The following APCDD1 variants were observed in gnomAD, a reference collection of about 807,000 sequenced individuals.
The protein encoded by APCDD1 is APC down-regulated 1.
APCDD1 carries 15 observed loss-of-function variants against 38.1 expected under a neutral mutation model. The observed-to-expected ratio is 0.39, with a 90% CI of 0.26 to 0.61. The LOEUF is 0.61. APCDD1 is among the 20% of genes least tolerant of loss of function. APCDD1 has a pLI of 0.49. For synonymous variants in APCDD1, 261 were observed against 279.7 expected (o/e 0.93, Z 0.67); for missense variants, 647 against 696.2 (o/e 0.93, Z 0.79).
chr18:10,482,393 A>G (rs1199862155), intron 3 of APCDD1, among the ~76,000 whole-genome samples: 1 of 152,194 alleles, frequency 6.6e-6, no homozygotes, highest in Non-Finnish European at 1.5e-5. Context: ...GGACCTGCCC[A>G]GGCGGAGGGG....
intron 1 of APCDD1, among the ~76,000 whole-genome samples, chr18:10,465,077 C>T (rs1024219979): frequency 6.6e-6 from 1 of 152,132 alleles, no homozygotes; most frequent in African/African-American, 2.4e-5. Flanking sequence ...TAGACAGAGG[C>T]TTGGAGAGTT....
Position 10,471,812 on chromosome 18 carries a change from C to T in APCDD1, c.525C>T (p.Leu175=), listed in dbSNP as rs1399059260. 7 of 1,613,656 alleles carry T rather than the reference C, an allele frequency of 4.3e-6. No individual in the cohort carries two copies. The highest frequency in any genetic ancestry group is 1.6e-4 in the Middle Eastern group (1 of 6,084). ...TGAACCGCACATGCCCGGGCTTCCTCGCAGACGGGGGTCCCTGGGTGCAGG... is the reference window on the plus strand; with the variant it reads ...TGAACCGCACATGCCCGGGCTTCCTTGCAGACGGGGGTCCCTGGGTGCAGG... ...QQVNRTCPGF[L]ADGGPWVQDV... is the part of the protein sequence containing the mutation. Residue 175 remains leucine (L), a synonymous_variant, in exon 3 of 5, where the codon CTC becomes CTT. Transcript: ENST00000355285. This position sits in a 1 kb window ranked among gnomAD's most constrained non-coding sequence, Gnocchi z 5.5.
At chr18:10,463,699 G>A (rs982936006) in intron 1 of APCDD1, among the ~76,000 whole-genome samples, 6 of 152,214 alleles carry the variant, frequency 3.9e-5, no homozygotes, top group African/African-American at 1.4e-4. Flanking sequence ...GTGGTGAACT[G>A]AAGCCCTAAG....
At chr18:10,478,239 G>A (rs183681852) in intron 3 of APCDD1, among the ~76,000 whole-genome samples, 3 of 152,320 alleles carry the variant, frequency 2.0e-5, no homozygotes, top group Middle Eastern at 3.4e-3. Context: ...TAACAGGCCC[G>A]AGGTGGCTGT....
chr18:10,455,465 G>A (rs1190520113), intron 1 of APCDD1, among the ~76,000 whole-genome samples: 1 of 152,186 alleles, frequency 6.6e-6, no homozygotes, highest in Non-Finnish European at 1.5e-5. Context: ...TGTGTTCCAA[G>A]CGTTTAGGAG....
chr18:10,471,337 T>A lies in APCDD1; in HGVS notation c.243-193T>A, dbSNP rs2030845732. 6.6e-6 allele frequency among the ~76,000 whole-genome samples: 1 copy of A among 152,338 alleles called. No individual in the cohort carries two copies. The highest frequency in any genetic ancestry group is 1.9e-4 in the East Asian group (1 of 5,184). On this transcript the variant is annotated intron_variant, in intron 2 of 4. Transcript: ENST00000355285. The surrounding 1 kb of genome is among the most constrained non-coding windows in gnomAD (Gnocchi z 5.5). ...CCTCAGTTTCCCCACCTGTAAAACC[T>A]GGGTGATGATAATACCTAACTCCTA...
In APCDD1 at chr18:10,454,691, C is replaced by A. The variant is rs1163792776; in HGVS notation, c.-291C>A. On this transcript the variant is annotated 5_prime_UTR_variant, in exon 1 of 5. Transcript: ENST00000355285. ...GGCCACTGCAGCTCAGAGCGGCGCACGCGGCGGCCGGGGCGGGACGCGGGG... is the reference window on the plus strand; with the variant it reads ...GGCCACTGCAGCTCAGAGCGGCGCAAGCGGCGGCCGGGGCGGGACGCGGGG... 1.8e-5 allele frequency: 18 copies of A among 985,028 alleles called. No homozygotes were observed. The highest frequency in any genetic ancestry group is 2.0e-5 in the Non-Finnish European group (17 of 830,754). 61.0% of individuals were successfully genotyped at this position (985,028 alleles called of 1,614,324 possible). A position where few individuals can be genotyped will look rare whatever the true frequency, so the allele number is the denominator to read the frequency against.
intron 3 of APCDD1, chr18:10,474,227 C>G (rs1341131415): frequency 1.4e-5 from 2 of 146,840 alleles, no homozygotes; most frequent in Admixed American, 6.6e-5. Flanking sequence ...CGCCCGGCCG[C>G]CATCTTTCAA....
In APCDD1 at chr18:10,487,660, G is replaced by A. The variant is rs1568009021; in HGVS notation, c.1167G>A (p.Glu389=). ...TGCTCAACGTCTTCAACGGGAATGA[G>A]TGCGGGGCCGAGGGCTCCTGGCAGG... ...ASLLNVFNGN[E]CGAEGSWQVG... is the part of the protein sequence containing the mutation. Residue 389 remains glutamate (E), a synonymous_variant, in exon 5 of 5, where the codon GAG becomes GAA. Coordinates refer to ENST00000355285, the MANE Select transcript of APCDD1 (RefSeq NM_153000.5). 3.7e-6 allele frequency: 6 copies of A among 1,614,176 alleles called. No individual in the cohort carries two copies. Among genetic ancestry groups the A allele is most frequent in the East Asian group, 4.5e-5 (2 of 44,874 alleles).
chr18:10,466,428 A>G (rs1206411341), intron 1 of APCDD1, among the ~76,000 whole-genome samples: 1 of 152,164 alleles, frequency 6.6e-6, no homozygotes, highest in South Asian at 2.1e-4. Flanking sequence ...AGGAGTGCTC[A>G]TAGTTCCCCC....
chr18:10,465,938 C>T (rs1422363978), intron 1 of APCDD1, among the ~76,000 whole-genome samples: 3 of 152,200 alleles, frequency 2.0e-5, no homozygotes, highest in Admixed American at 6.5e-5. Context: ...TTTTAATCCA[C>T]ATCCACTACA....
At position 10,476,875 on chromosome 18, in the gene APCDD1, A is replaced by G. The variant is rs961293321; in HGVS notation, c.774+4814A>G. The G allele has an allele frequency of 6.6e-6, 1 of 152,268 alleles. No individual in the cohort carries two copies. Among genetic ancestry groups the G allele is most frequent in the African/African-American group, 2.4e-5 (1 of 41,472 alleles). 9.4% of individuals were successfully genotyped at this position (152,268 alleles called of 1,614,324 possible). On this transcript the variant is annotated intron_variant, in intron 3 of 4. Coordinates refer to ENST00000355285, the MANE Select transcript of APCDD1 (RefSeq NM_153000.5). The surrounding 1 kb of genome is among the most constrained non-coding windows in gnomAD (Gnocchi z 5.8). ...TCTCTCAAATTCTTTAGGAGCCGCT[A>G]GGCTGGAGCCAGCATATGTTTTTGA... is the stretch of plus-strand genomic sequence containing the variant.
Position 10,470,175 on chromosome 18 carries a change from G to C in APCDD1, c.243-1355G>C, listed in dbSNP as rs1302174411. Among the ~76,000 whole-genome samples the C allele has an allele frequency of 6.6e-6, 1 of 152,156 alleles. No homozygotes were observed. Among genetic ancestry groups the C allele is most frequent in the East Asian group, 1.9e-4 (1 of 5,190 alleles). On this transcript the variant is annotated intron_variant, in intron 2 of 4. Coordinates refer to ENST00000355285, the MANE Select transcript of APCDD1 (RefSeq NM_153000.5). The surrounding 1 kb of genome is among the most constrained non-coding windows in gnomAD (Gnocchi z 4.1). ...GCAGGAGCAACTGAGAAGTGAGTGGGCCTGAGATCCACTGTACGTGGCAGG... is the reference window on the plus strand; with the variant it reads ...GCAGGAGCAACTGAGAAGTGAGTGGCCCTGAGATCCACTGTACGTGGCAGG...
rs181785694 is a variant in APCDD1 at position 10,469,884 on chromosome 18, G to T, written c.242+1232G>T. ...TGTGGCTGGGATGCAGTAAACCAGGGCAGACAGCCTCACATGAGGCTGCTG... is the reference window on the plus strand; with the variant it reads ...TGTGGCTGGGATGCAGTAAACCAGGTCAGACAGCCTCACATGAGGCTGCTG... On this transcript the variant is annotated intron_variant, in intron 2 of 4. Coordinates refer to ENST00000355285, the MANE Select transcript of APCDD1 (RefSeq NM_153000.5). The surrounding 1 kb of genome is among the most constrained non-coding windows in gnomAD (Gnocchi z 5.5). Among the ~76,000 whole-genome samples the T allele has an allele frequency of 3.6e-3, 544 of 152,314 alleles. 4 individuals carry two copies. Among genetic ancestry groups the T allele is most frequent in the Non-Finnish European group, 3.8e-3 (259 of 68,030 alleles).
At chr18:10,455,627 T>G (rs752487157) in intron 1 of APCDD1, among the ~76,000 whole-genome samples, 2 of 152,216 alleles carry the variant, frequency 1.3e-5, no homozygotes, top group Admixed American at 1.3e-4. Flanking sequence ...GGTGTAATTT[T>G]AAGAAACAGG....
rs1331767125 is a variant in APCDD1, at chr18:10,454,824, C to G, written c.-158C>G. On this transcript the variant is annotated 5_prime_UTR_variant, in exon 1 of 5. Coordinates refer to ENST00000355285, the MANE Select transcript of APCDD1 (RefSeq NM_153000.5). ...CCAGAGAGCGCGCGCCCCGCAGCCC[C>G]GCGCCTAGCCCGCCGGGCATGGGGC... 3.0e-6 allele frequency: 3 copies of G among 992,638 alleles called. No individual in the cohort carries two copies. The highest frequency in any genetic ancestry group is 3.6e-6 in the Non-Finnish European group (3 of 836,330). 61.5% of individuals were successfully genotyped at this position (992,638 alleles called of 1,614,324 possible). A position where few individuals can be genotyped will look rare whatever the true frequency, so the allele number is the denominator to read the frequency against.
chr18:10,478,613 T>C (rs2031061719), intron 3 of APCDD1, among the ~76,000 whole-genome samples: 1 of 152,184 alleles, frequency 6.6e-6, no homozygotes, highest in Non-Finnish European at 1.5e-5. Context: ...ATAAGGGCAC[T>C]AATCCCCTTC....
intron 3 of APCDD1, among the ~76,000 whole-genome samples, chr18:10,480,976 T>G (rs9944925): frequency 0.29 from 44,261 of 151,822 alleles, 6,564 homozygotes; most frequent in East Asian, 0.42. Context: ...AAATGTAAAT[T>G]AAGACCACAA....
chr18:10,458,544 G>A (rs1371323432), intron 1 of APCDD1, among the ~76,000 whole-genome samples: 3 of 152,126 alleles, frequency 2.0e-5, no homozygotes, highest in Admixed American at 1.3e-4. Context: ...ACCCAACAGG[G>A]GCAAGGGTCT....
Sources: allele counts gnomAD v4.1 joint callset (sites outside exome capture counted in the v4.1 genomes callset), GRCh38; gene constraint gnomAD v4.1.1; non-coding constraint Gnocchi (gnomAD v3.1); transcripts MANE v1.5; gene names NCBI Gene and HGNC (gene_info 2026-07-23, HGNC 2026-07-21).